COL19A1: variants seen among roughly 807,000 people sequenced by gnomAD.
The protein encoded by COL19A1 is collagen alpha-1(XIX) chain.
COL19A1 carries 159 observed loss-of-function variants against 190.2 expected under a neutral mutation model. The ratio of observed to expected loss-of-function variants is 0.84; its 90% CI spans 0.73 to 0.95. The LOEUF (loss-of-function observed/expected upper bound fraction) is 0.95. Among genes scored for constraint, COL19A1 ranks in the 40% least tolerant of loss-of-function variants. COL19A1 has a pLI of 0.00. For missense variants in COL19A1, 1,418 were observed against 1,431.9 expected, an observed-to-expected ratio of 0.99 and a Z score of 0.16; for synonymous variants, 509 against 458.9, an observed-to-expected ratio of 1.11 and a Z score of -1.39.
At chr6:69,988,442 A>G (rs1465576317) in intron 11 of COL19A1, among the ~76,000 whole-genome samples, 1 of 152,188 alleles carries the variant, frequency 6.6e-6, no homozygotes, top group Non-Finnish European at 1.5e-5. Flanking sequence ...GCTTTTCCTT[A>G]TTAGTTCCCA....
intron 25 of COL19A1, among the ~76,000 whole-genome samples, chr6:70,145,492 TA>T (rs1296294235): frequency 6.6e-6 from 1 of 151,746 alleles, no homozygotes; most frequent in Non-Finnish European, 1.5e-5. Flanking sequence ...ACCAACATAG[TA>T]GAGATGGGAG....
Position 70,141,009 on chromosome 6 carries a change from CT to C in COL19A1, c.1482+21del. On this transcript the variant is annotated intron_variant, in intron 20 of 50. Coordinates refer to ENST00000620364, the MANE Select transcript of COL19A1 (RefSeq NM_001858.6). ...GATAGAGTAAGTAGATATTTTATCACTACCTTGGGTTTTCTACTTCATTGAT... is the reference window on the plus strand; with the variant it reads ...GATAGAGTAAGTAGATATTTTATCACACCTTGGGTTTTCTACTTCATTGAT... The C allele has an allele frequency of 6.2e-7, 1 of 1,601,810 alleles. No homozygotes were observed. Among genetic ancestry groups the C allele is most frequent in the South Asian group, 1.1e-5 (1 of 90,270 alleles).
rs751943737 is a variant in COL19A1 at position 70,141,942 on chromosome 6, A to G, written c.1518+14A>G. 1.2e-6 allele frequency: 2 copies of G among 1,608,216 alleles called. No individual in the cohort carries two copies. The highest frequency in any genetic ancestry group is 3.3e-5 in the Admixed American group (2 of 59,858). On this transcript the variant is annotated intron_variant, in intron 21 of 50. Transcript: ENST00000620364. ...CAGGGAGTAAAGGTAATTTCCTGGC[A>G]TTCTTCAATTTCCTCTCCAACCTTA...
intron 2 of COL19A1, among the ~76,000 whole-genome samples, chr6:69,881,495 A>C (rs1016942536): frequency 1.3e-5 from 2 of 152,256 alleles, no homozygotes; most frequent in African/African-American, 4.8e-5. Flanking sequence ...ATCATCTTGC[A>C]TAACTAACAC....
intron 4 of COL19A1, among the ~76,000 whole-genome samples, chr6:69,906,072 A>G (rs1582351517): frequency 6.6e-6 from 1 of 152,352 alleles, no homozygotes; most frequent in East Asian, 1.9e-4. Context: ...TTGGTAAAAT[A>G]CTGAGTAAAA....
intron 14 of COL19A1, among the ~76,000 whole-genome samples, chr6:70,061,733 A>G (rs1178815707): frequency 6.6e-6 from 1 of 152,196 alleles, no homozygotes; most frequent in Non-Finnish European, 1.5e-5. Flanking sequence ...CAGCATTTGG[A>G]TGAATATCAA....
intron 14 of COL19A1, among the ~76,000 whole-genome samples, chr6:70,046,997 C>T (rs552819719): frequency 2.8e-4 from 42 of 152,100 alleles, no homozygotes; most frequent in African/African-American, 1.0e-3. Context: ...AAAAATATCA[C>T]CAAATCACAT....
At chr6:69,892,852 T>C (rs1349069670) in intron 2 of COL19A1, among the ~76,000 whole-genome samples, 1 of 152,216 alleles carries the variant, frequency 6.6e-6, no homozygotes, top group Admixed American at 6.5e-5. Flanking sequence ...GTCTAAGCCT[T>C]GGTAAAACAA....
intron 36 of COL19A1, among the ~76,000 whole-genome samples, chr6:70,165,436 T>C (rs978890442): frequency 6.6e-6 from 1 of 152,180 alleles, no homozygotes; most frequent in South Asian, 2.1e-4. Context: ...ACGTAGGAAA[T>C]GGAAGATGAA....
intron 11 of COL19A1, among the ~76,000 whole-genome samples, chr6:70,020,249 C>T (rs1451215746): frequency 1.3e-5 from 2 of 151,962 alleles, no homozygotes; most frequent in African/African-American, 4.8e-5. Context: ...ACTATTAAAC[C>T]ACTACATGAT....
chr6:69,891,019 C>A, intron 2 of COL19A1: 1 of 353,472 alleles, frequency 2.8e-6, no homozygotes, highest in Non-Finnish European at 5.8e-6. Context: ...GCAGAAGGGG[C>A]CATTGTCAGA....
intron 17 of COL19A1, among the ~76,000 whole-genome samples, chr6:70,122,324 C>T (rs1381863962): frequency 6.6e-6 from 1 of 152,032 alleles, no homozygotes; most frequent in Non-Finnish European, 1.5e-5. Context: ...ATAGGTGTTG[C>T]GCCAAAATCT....
At chr6:70,146,545 A>G in intron 25 of COL19A1, 114 bp from the exon 26 acceptor site, 1 of 675,516 alleles carries the variant, frequency 1.5e-6, no homozygotes, top group Non-Finnish European at 2.3e-6. Flanking sequence ...TCTTTTATAG[A>G]AAAAGATTTA....
chr6:69,871,857 C>G (rs944814271), intron 1 of COL19A1, among the ~76,000 whole-genome samples: 5 of 143,318 alleles, frequency 3.5e-5, no homozygotes, highest in African/African-American at 7.8e-5. Flanking sequence ...CTCTGTCGCC[C>G]AGGCTGGAGT....
chr6:70,150,208 G>A (rs1786962799), intron 30 of COL19A1, among the ~76,000 whole-genome samples, 163 bp downstream of exon 30: 1 of 152,052 alleles, frequency 6.6e-6, no homozygotes, highest in South Asian at 2.1e-4. Flanking sequence ...AATTCAGGCT[G>A]GATCAGCATT....
In COL19A1 at chr6:70,206,953, G is replaced by C. The variant is rs774041856; in HGVS notation, c.3276G>C (p.Gly1092=). Residue 1092 remains glycine (G), a synonymous_variant, in exon 50 of 51, where the codon GGG becomes GGC. Transcript: ENST00000620364. ...GTGAACCTGGAATTGGGCTGCCAGGGAGTCCAGGTCTTCCTGGGACTTCAG... is the reference window on the plus strand; with the variant it reads ...GTGAACCTGGAATTGGGCTGCCAGGCAGTCCAGGTCTTCCTGGGACTTCAG... ...ERGEPGIGLP[G]SPGLPGTSAL... is the part of the protein sequence containing the mutation. The C allele has an allele frequency of 2.5e-6, 4 of 1,613,742 alleles. No individual in the cohort carries two copies. In the Admixed American group the frequency reaches 6.7e-5, roughly 27 times the overall value.
At chr6:69,934,317 TTCC>T (rs1772966527) in intron 7 of COL19A1, among the ~76,000 whole-genome samples, 1 of 151,974 alleles carries the variant, frequency 6.6e-6, no homozygotes. Context: ...ATACCTAGAC[TTCC>T]TGGAGCTACA....
At chr6:70,143,218 C>T (rs1046688931) in intron 23 of COL19A1, among the ~76,000 whole-genome samples, 20 of 152,252 alleles carry the variant, frequency 1.3e-4, no homozygotes, top group African/African-American at 4.1e-4. Context: ...GAAGACATTT[C>T]GAAAGCTTCT....
chr6:69,891,024 G>A (rs1032913788), intron 2 of COL19A1: 3 of 359,246 alleles, frequency 8.4e-6, no homozygotes, highest in Non-Finnish European at 1.7e-5. Context: ...AGGGGCCATT[G>A]TCAGAGGCTC....
Sources: allele counts gnomAD v4.1 joint callset (sites outside exome capture counted in the v4.1 genomes callset), GRCh38; gene constraint gnomAD v4.1.1; transcripts MANE v1.5; gene names NCBI Gene and HGNC (gene_info 2026-07-23, HGNC 2026-07-21).